Variants in FAM234B observed in about 807,000 individuals in gnomAD.
FAM234B encodes family with sequence similarity 234 member B.
A neutral mutation model predicts 69.3 loss-of-function variants in FAM234B; 33 were observed. The ratio of observed to expected loss-of-function variants is 0.48; its 90% CI spans 0.36 to 0.64. FAM234B has a LOEUF of 0.64. Among genes scored for constraint, FAM234B ranks in the 30% least tolerant of loss-of-function variants. The pLI is 0.00. For missense variants in FAM234B, 697 were observed against 769.7 expected (o/e 0.91, Z 1.12); for synonymous variants, 306 against 306.9 (o/e 1.00, Z 0.03).
intron 5 of FAM234B, among the ~76,000 whole-genome samples, chr12:13,065,716 G>A (rs1865029021): frequency 6.6e-6 from 1 of 152,096 alleles, no homozygotes; most frequent in African/African-American, 2.4e-5. Flanking sequence ...ATTCTTTCAA[G>A]TCTTTGATAA....
At chr12:13,065,837 C>G (rs1357894344) in intron 5 of FAM234B, among the ~76,000 whole-genome samples, 2 of 152,132 alleles carry the variant, frequency 1.3e-5, no homozygotes, top group African/African-American at 2.4e-5. Context: ...CATGGCAAAC[C>G]ACATTTCTTT....
chr12:13,062,921 C>T lies in FAM234B; in HGVS notation c.798C>T (p.Asp266=), dbSNP rs1864999386. Residue 266 remains aspartate, a synonymous_variant, in exon 5 of 13, where the codon GAC becomes GAT. Transcript: ENST00000197268. ...TLAAPVVVLP[D]LDEDGVRDLV... ...CTGCCCCAGTTGTGGTACTGCCAGACTTGGATGAAGACGGTGTTCGAGACC... is the reference window on the plus strand; with the variant it reads ...CTGCCCCAGTTGTGGTACTGCCAGATTTGGATGAAGACGGTGTTCGAGACC... 6.2e-7 allele frequency: 1 copy of T among 1,614,080 alleles called. No individual in the cohort carries two copies.
At position 13,062,987 on chromosome 12, in the gene FAM234B, A is replaced by C; in HGVS notation, c.852+12A>C. 6.2e-7 allele frequency: 1 copy of C among 1,613,316 alleles called. No homozygotes were observed. The highest frequency in any genetic ancestry group is 8.5e-7 in the Non-Finnish European group (1 of 1,179,548). On this transcript the variant is annotated intron_variant, in intron 5 of 12. Coordinates refer to ENST00000197268, the MANE Select transcript of FAM234B (RefSeq NM_020853.2). The stretch of plus-strand genomic sequence containing the variant: ...TTGGGGAATTGCAGGTATGATCTCT[A>C]TTAAATGTTTTTTGTTTCTTATAGG...
At chr12:13,066,914 G>T (rs1865045718) in intron 6 of FAM234B, 127 bp downstream of exon 6, 5 of 1,081,916 alleles carry the variant, frequency 4.6e-6, no homozygotes, top group African/African-American at 1.6e-5. Flanking sequence ...TAATGCAGGG[G>T]CCTCTTACTG....
Position 13,079,942 on chromosome 12 carries a change from C to G in FAM234B, c.1796C>G (p.Pro599Arg). The change falls in exon 12 of 13, where the codon CCC becomes CGC. Residue 599 changes from proline (P) to arginine (R), a missense_variant. Pro to Arg is a moderately radical substitution (Grantham distance 103). This residue lies in a region of FAM234B where 313 missense variants were observed against 305.5 expected (regional missense o/e 1.02). Coordinates refer to ENST00000197268, the MANE Select transcript of FAM234B (RefSeq NM_020853.2). ...GQMAQLQEST[P>R]KIGRGELRRF... ...ATGGCTCAGCTACAGGAGTCCACCC[C>G]CAAAATTGGCCGTGGGGAGCTGCGA... is the stretch of plus-strand genomic sequence containing the variant. 1 of 1,613,558 alleles carries G rather than the reference C, an allele frequency of 6.2e-7. No individual in the cohort carries two copies. The highest frequency in any genetic ancestry group is 2.2e-5 in the East Asian group (1 of 44,860).
intron 5 of FAM234B, among the ~76,000 whole-genome samples, chr12:13,063,965 T>G (rs1415941568): frequency 6.6e-6 from 1 of 152,162 alleles, no homozygotes; most frequent in Admixed American, 6.5e-5. Context: ...ATATATGGAG[T>G]AGAGTTGTAA....
intron 5 of FAM234B, among the ~76,000 whole-genome samples, chr12:13,066,170 A>C (rs1249202426): frequency 2.6e-5 from 4 of 152,218 alleles, no homozygotes; most frequent in Non-Finnish European, 2.9e-5. Context: ...CCCTTCACAG[A>C]AAAAGTTTGC....
rs1283166623 is a variant in FAM234B at position 13,080,921 on chromosome 12, C to CT, written c.*292dup. ...TAAGTATTTAATTTTTTTGGTATGT[C>CT]TAATTTATGAAGTCTTGCTGGGAAA... On this transcript the variant is annotated 3_prime_UTR_variant, in exon 13 of 13. Coordinates refer to ENST00000197268, the MANE Select transcript of FAM234B (RefSeq NM_020853.2). The CT allele has an allele frequency of 5.9e-6, 2 of 340,984 alleles. No individual in the cohort carries two copies. Among genetic ancestry groups the CT allele is most frequent in the Non-Finnish European group, 1.1e-5 (2 of 190,328 alleles). 21.1% of individuals were successfully genotyped at this position (340,984 alleles called of 1,614,324 possible). A position where few individuals can be genotyped will look rare whatever the true frequency, so the allele number is the denominator to read the frequency against.
chr12:13,066,703 TACA>T lies in FAM234B; in HGVS notation c.920_922del (p.Asn307del), dbSNP rs749685579. Reference sequence around the variant, plus strand: ...AAATCCAGTGGGTCGACCTGTGAAGTACAACATCGTTGGAGTTGGGAATCTGAT... The same window carrying T: ...AAATCCAGTGGGTCGACCTGTGAAGTACATCGTTGGAGTTGGGAATCTGAT... On this transcript the variant is annotated inframe_deletion, in exon 6 of 13. Transcript: ENST00000197268. 34 of 1,613,994 alleles carry T rather than the reference TACA, an allele frequency of 2.1e-5. No homozygotes were observed. Among genetic ancestry groups the T allele is most frequent in the Non-Finnish European group, 2.8e-5 (33 of 1,179,986 alleles).
chr12:13,070,902 C>T (rs1000316852), intron 9 of FAM234B, among the ~76,000 whole-genome samples: 5 of 152,152 alleles, frequency 3.3e-5, no homozygotes, highest in African/African-American at 1.2e-4. Context: ...CTGTCCTAAA[C>T]GTGGACAATC....
intron 10 of FAM234B, among the ~76,000 whole-genome samples, chr12:13,073,913 G>A (rs1007051084): frequency 2.0e-5 from 3 of 152,182 alleles, no homozygotes; most frequent in Non-Finnish European, 4.4e-5. Flanking sequence ...GTGAAAATGA[G>A]CTATCCGCGT....
At chr12:13,047,480 T>C (rs80028008) in intron 1 of FAM234B, among the ~76,000 whole-genome samples, 1,818 of 152,316 alleles carry the variant, frequency 0.012, 18 homozygotes, top group Admixed American at 0.019. Context: ...TATACTATAG[T>C]ATAGTATATG....
Position 13,081,819 on chromosome 12 carries a change from C to T in FAM234B, c.*1189C>T, listed in dbSNP as rs1197804505. On this transcript the variant is annotated 3_prime_UTR_variant, in exon 13 of 13. Coordinates refer to ENST00000197268, the MANE Select transcript of FAM234B (RefSeq NM_020853.2). ...AATCTGCTACTTCAATTAAGTTCTC[C>T]TCTAAACTTTTAGGTCATTGTTTAT... 6.6e-6 allele frequency: 1 copy of T among 152,148 alleles called. No homozygotes were observed. Among genetic ancestry groups the T allele is most frequent in the Non-Finnish European group, 1.5e-5 (1 of 68,032 alleles). 9.4% of individuals were successfully genotyped at this position (152,148 alleles called of 1,614,324 possible). A position where few individuals can be genotyped will look rare whatever the true frequency, so the allele number is the denominator to read the frequency against.
At chr12:13,068,211 A>C in intron 7 of FAM234B, 93 bp from the exon 8 acceptor site, 1 of 1,215,636 alleles carries the variant, frequency 8.2e-7, no homozygotes, top group Non-Finnish European at 1.2e-6. Flanking sequence ...GAGTGTGTAC[A>C]GGTGTACGTA....
At position 13,078,350 on chromosome 12, in the gene FAM234B, T is replaced by C. The variant is rs967550434; in HGVS notation, c.1643-1439T>C. Among the ~76,000 whole-genome samples, 8 of 152,354 alleles carry C rather than the reference T, an allele frequency of 5.3e-5. 1 individual carries two copies. The highest frequency in any genetic ancestry group is 1.9e-4 in the African/African-American group (8 of 41,586). ...TAGACATGAAGTCCTTGCCCATGCC[T>C]ATGTCCTGAATGGTAATGCCTAGGT... On this transcript the variant is annotated intron_variant, in intron 11 of 12. Transcript: ENST00000197268.
chr12:13,083,372 G>C lies in FAM234B; in HGVS notation c.*2742G>C, dbSNP rs1865266116. ...ATCCTTATTGCCCTATTAAAGAAGA[G>C]CCAGCTGGTATATTGTCAGGAAGCA... is the stretch of plus-strand genomic sequence containing the variant. On this transcript the variant is annotated 3_prime_UTR_variant, in exon 13 of 13. Coordinates refer to ENST00000197268, the MANE Select transcript of FAM234B (RefSeq NM_020853.2). 6.6e-6 allele frequency: 1 copy of C among 152,442 alleles called. No individual in the cohort carries two copies. Among genetic ancestry groups the C allele is most frequent in the African/African-American group, 2.4e-5 (1 of 41,360 alleles). 9.4% of individuals were successfully genotyped at this position (152,442 alleles called of 1,614,324 possible).
chr12:13,048,556 C>T (rs755567151), intron 1 of FAM234B, among the ~76,000 whole-genome samples: 4 of 148,410 alleles, frequency 2.7e-5, no homozygotes, highest in South Asian at 2.2e-4. Flanking sequence ...TTATCCTCTT[C>T]GGTCATGCAT....
At chr12:13,049,881 C>A (rs1864856583) in intron 1 of FAM234B, among the ~76,000 whole-genome samples, 1 of 152,098 alleles carries the variant, frequency 6.6e-6, no homozygotes, top group South Asian at 2.1e-4. Context: ...GGAATGAGTA[C>A]TAAACATGGC....
rs563073997 is a variant in FAM234B, at chr12:13,075,012, T to C, written c.1525-1014T>C. Among the ~76,000 whole-genome samples the C allele has an allele frequency of 4.2e-4, 64 of 152,280 alleles. No homozygotes were observed. In the South Asian group the frequency reaches 4.6e-3, roughly 11 times the overall value. On this transcript the variant is annotated intron_variant, in intron 10 of 12. Coordinates refer to ENST00000197268, the MANE Select transcript of FAM234B (RefSeq NM_020853.2). ...GGGTGTACTTCTGTGCCTTAACAAC[T>C]GCATGGCTGCACACTCATGTACCTG...
Sources: allele counts gnomAD v4.1 joint callset (sites outside exome capture counted in the v4.1 genomes callset), GRCh38; gene constraint gnomAD v4.1.1; regional missense constraint gnomAD v4.1.1; transcripts MANE v1.5; gene names NCBI Gene and HGNC (gene_info 2026-07-23, HGNC 2026-07-21).